The following SEMA3F variants were observed in gnomAD, a reference collection of about 807,000 sequenced individuals.
SEMA3F encodes semaphorin 3F.
SEMA3F carries 30 observed loss-of-function variants against 98.5 expected under a neutral mutation model. The ratio of observed to expected loss-of-function variants is 0.30; its 90% CI spans 0.23 to 0.41. The LOEUF is 0.41. SEMA3F is among the 10% of genes least tolerant of loss of function. SEMA3F has a pLI of 1.00. For missense variants in SEMA3F, 866 were observed against 1,119.3 expected (o/e 0.77, Z 3.23); for synonymous variants, 380 against 444.8 (o/e 0.85, Z 1.83).
rs967387130 is a variant in SEMA3F at position 50,186,387 on chromosome 3, C to T, written c.1813+39C>T. On this transcript the variant is annotated intron_variant, in intron 17 of 18. Coordinates refer to ENST00000002829, the MANE Select transcript of SEMA3F (RefSeq NM_004186.5). ...GCCTCACTGTGGGGTGCTGCTCACA[C>T]TGCAGAAGTCCACGCAGCCCACGAA... 4 of 1,585,696 alleles carry T rather than the reference C, an allele frequency of 2.5e-6. No homozygotes were observed. The African/African-American group carries it at 5.4e-5, about 21-fold the overall frequency.
rs536141438 is a variant in SEMA3F at position 50,176,753 on chromosome 3, C to A, written c.550-15C>A. On this transcript the variant is annotated splice_polypyrimidine_tract_variant and intron_variant, in intron 6 of 18. Coordinates refer to ENST00000002829, the MANE Select transcript of SEMA3F (RefSeq NM_004186.5). ...GACTGGCCTGGACGATGCTGAGCCCCGCTCTGCCTTACAGGATTACATCTT... is the reference window on the plus strand; with the variant it reads ...GACTGGCCTGGACGATGCTGAGCCCAGCTCTGCCTTACAGGATTACATCTT... The A allele has an allele frequency of 1.3e-6, 2 of 1,590,934 alleles. No homozygotes were observed. Among genetic ancestry groups the A allele is most frequent in the African/African-American group, 1.3e-5 (1 of 74,610 alleles).
chr3:50,174,345 G>T lies in SEMA3F; in HGVS notation c.451G>T (p.Ala151Ser). Residue 151 changes from alanine (A) to serine (S), a missense_variant, in exon 5 of 19, where the codon GCC (alanine) becomes TCC (serine). This residue lies in a region of SEMA3F where 247 missense variants were observed against 276.0 expected (regional missense o/e 0.89). Coordinates refer to ENST00000002829, the MANE Select transcript of SEMA3F (RefSeq NM_004186.5). ...CACCTATGTGAACCGCGGACGCCGCGCCCAGGTAAGCCCCAGCCACCCTGG... is the reference window on the plus strand; with the variant it reads ...CACCTATGTGAACCGCGGACGCCGCTCCCAGGTAAGCCCCAGCCACCCTGG... ...MCTYVNRGRR[A>S]QATPWTQTQA... 3.7e-6 allele frequency: 6 copies of T among 1,610,784 alleles called. No homozygotes were observed. The highest frequency in any genetic ancestry group is 5.1e-6 in the Non-Finnish European group (6 of 1,178,610).
chr3:50,183,013 A>C lies in SEMA3F; in HGVS notation c.1013A>C (p.Glu338Ala), dbSNP rs1471946094. Residue 338 changes from glutamate to alanine, a missense_variant, in exon 10 of 19, where the codon GAG becomes GCG. Physicochemically the swap from Glu to Ala is moderately radical, Grantham distance 107. This residue lies in a region of SEMA3F where 374 missense variants were observed against 582.8 expected (regional missense o/e 0.64). Coordinates refer to ENST00000002829, the MANE Select transcript of SEMA3F (RefSeq NM_004186.5). ...GATGGCATTGAGACTCACTTTGATG[A>C]GCTCCGTGAGTGCCCAGCAGGCAGG... ...GEDGIETHFDELQDVFVQQTQ... is the reference protein window; with the variant it reads ...GEDGIETHFDALQDVFVQQTQ... 6.2e-7 allele frequency: 1 copy of C among 1,612,814 alleles called. No individual in the cohort carries two copies. The highest frequency in any genetic ancestry group is 8.5e-7 in the Non-Finnish European group (1 of 1,179,256).
chr3:50,160,758 C>A (rs908916860), intron 2 of SEMA3F, among the ~76,000 whole-genome samples: 1 of 152,202 alleles, frequency 6.6e-6, no homozygotes, highest in Non-Finnish European at 1.5e-5. Flanking sequence ...TCGGGCTTGG[C>A]GGAGGCCCAG....
chr3:50,185,032 C>T (rs1053648493), intron 13 of SEMA3F, among the ~76,000 whole-genome samples: 1 of 152,172 alleles, frequency 6.6e-6, no homozygotes, highest in African/African-American at 2.4e-5. Context: ...CCCAGGAGAA[C>T]AGGGACACTG....
Position 50,182,054 on chromosome 3 carries a change from G to A in SEMA3F, c.644-230G>A, listed in dbSNP as rs890183028. ...GGTAGCTTGAAATTAGTTGTGGCAG[G>A]AGTATTCACACCACAGAAATGGGCT... On this transcript the variant is annotated intron_variant, in intron 7 of 18. Coordinates refer to ENST00000002829, the MANE Select transcript of SEMA3F (RefSeq NM_004186.5). This position sits in a 1 kb window ranked among gnomAD's most constrained non-coding sequence, Gnocchi z 4.5. Among the ~76,000 whole-genome samples the A allele has an allele frequency of 1.3e-4, 20 of 152,208 alleles. No individual in the cohort carries two copies. Among genetic ancestry groups the A allele is most frequent in the Non-Finnish European group, 2.1e-4 (14 of 68,046 alleles).
At position 50,186,275 on chromosome 3, in the gene SEMA3F, A is replaced by G. The variant is rs1490508317; in HGVS notation, c.1746-6A>G. 1.2e-6 allele frequency: 2 copies of G among 1,613,428 alleles called. No homozygotes were observed. The highest frequency in any genetic ancestry group is 1.7e-6 in the Non-Finnish European group (2 of 1,179,890). On this transcript the variant is annotated splice_polypyrimidine_tract_variant and splice_region_variant and intron_variant, in intron 16 of 18. Coordinates refer to ENST00000002829, the MANE Select transcript of SEMA3F (RefSeq NM_004186.5). ...GAGCACTCCTTCAGGGGCTATCCTC[A>G]TCCAGGCGGAGCCGCCGGCAGGACG...
intron 2 of SEMA3F, among the ~76,000 whole-genome samples, chr3:50,168,939 G>T (rs1043327447): frequency 1.3e-5 from 2 of 152,202 alleles, no homozygotes; most frequent in Admixed American, 1.3e-4. Flanking sequence ...TCAGCTCAGG[G>T]ATTAGGGCTG....
In SEMA3F at chr3:50,182,855, G is replaced by A. The variant is rs777777475; in HGVS notation, c.904-49G>A. 4.3e-6 allele frequency: 7 copies of A among 1,611,342 alleles called. No homozygotes were observed. The Admixed American group carries it at 8.3e-5, about 19-fold the overall frequency. ...CTTCATCAGCCCTGCTCCAGCCAGG[G>A]CTTGGGGTCAAGAGCTGATCTGACC... On this transcript the variant is annotated intron_variant, in intron 9 of 18. Transcript: ENST00000002829. This position sits in a 1 kb window ranked among gnomAD's most constrained non-coding sequence, Gnocchi z 4.5.
At chr3:50,162,353 A>T (rs2109060800) in intron 2 of SEMA3F, among the ~76,000 whole-genome samples, 1 of 152,328 alleles carries the variant, frequency 6.6e-6, no homozygotes, top group Middle Eastern at 3.4e-3. Flanking sequence ...GTTCCCTCAG[A>T]TTAGGGGGGC....
chr3:50,155,271 C>T (rs1311597697), upstream of SEMA3F: 1 of 325,756 alleles, frequency 3.1e-6, no homozygotes, highest in Non-Finnish European at 5.5e-6. This position sits in a 1 kb window ranked among gnomAD's most constrained non-coding sequence, Gnocchi z 4.9. Flanking sequence ...GGAATGCGCC[C>T]TCGGCGCGCC....
At chr3:50,184,332 T>G (rs1575407749) in intron 12 of SEMA3F, 2 of 529,138 alleles carry the variant, frequency 3.8e-6, no homozygotes, top group African/African-American at 1.9e-5. Context: ...TGGAAGGGAG[T>G]GGTCCGCTTG....
Position 50,156,314 on chromosome 3 carries a change from G to C in SEMA3F, c.-49+750G>C, listed in dbSNP as rs1486945215. Among the ~76,000 whole-genome samples, 1 of 152,250 alleles carries C rather than the reference G, an allele frequency of 6.6e-6. No homozygotes were observed. Among genetic ancestry groups the C allele is most frequent in the Non-Finnish European group, 1.5e-5 (1 of 68,038 alleles). On this transcript the variant is annotated intron_variant, in intron 1 of 18. Transcript: ENST00000002829. The surrounding 1 kb of genome is among the most constrained non-coding windows in gnomAD (Gnocchi z 4.5). The stretch of plus-strand genomic sequence containing the variant: ...GCAGATGGGACAGGAGGGTATCAAA[G>C]TTGGCCTAGGAATGAGGCAGTGCTG...
chr3:50,187,717 G>A lies in SEMA3F; in HGVS notation c.1960G>A (p.Asp654Asn), dbSNP rs1358520845. 1 of 1,593,996 alleles carries A rather than the reference G, an allele frequency of 6.3e-7. No homozygotes were observed. The highest frequency in any genetic ancestry group is 8.6e-7 in the Non-Finnish European group (1 of 1,166,010). ...GDRRREIRAE[D>N]RFLRTEQGLL... is the part of the protein sequence containing the mutation. ...CTTGCCCCTGCAGATTCGTGCAGAG[G>A]ACCGCTTCCTGCGCACAGAGCAGGG... is the stretch of plus-strand genomic sequence containing the variant. The change falls in exon 19 of 19, where the codon GAC becomes AAC. Residue 654 changes from aspartate to asparagine, a missense_variant. By Grantham distance (23) the Asp-to-Asn change is conservative (BLOSUM62 1). Coordinates refer to ENST00000002829, the MANE Select transcript of SEMA3F (RefSeq NM_004186.5).
chr3:50,163,726 G>A (rs1001976972), intron 2 of SEMA3F, among the ~76,000 whole-genome samples: 6 of 152,186 alleles, frequency 3.9e-5, no homozygotes, highest in African/African-American at 1.2e-4. Context: ...TTTGGTGGGG[G>A]AGGAGGGGGA....
intron 2 of SEMA3F, chr3:50,173,233 G>A (rs1698678379): frequency 6.4e-6 from 1 of 155,626 alleles, no homozygotes; most frequent in East Asian, 1.9e-4. Context: ...CAGCACTTTG[G>A]GAGGCTGAGA....
chr3:50,166,804 A>G lies in SEMA3F; in HGVS notation c.113-6989A>G, dbSNP rs1431545180. On this transcript the variant is annotated intron_variant, in intron 2 of 18. Coordinates refer to ENST00000002829, the MANE Select transcript of SEMA3F (RefSeq NM_004186.5). This position sits in a 1 kb window ranked among gnomAD's most constrained non-coding sequence, Gnocchi z 4.7. Reference sequence around the variant, plus strand: ...TCTGTCTGGGTGATTTATCAGAGTAAATGAGCCATGGAGAGTTTGTTGTCT... The same window carrying G: ...TCTGTCTGGGTGATTTATCAGAGTAGATGAGCCATGGAGAGTTTGTTGTCT... Among the ~76,000 whole-genome samples the G allele has an allele frequency of 6.6e-6, 1 of 151,988 alleles. No individual in the cohort carries two copies. The highest frequency in any genetic ancestry group is 1.9e-4 in the East Asian group (1 of 5,178).
intron 7 of SEMA3F, among the ~76,000 whole-genome samples, chr3:50,181,247 A>C (rs1378787539): frequency 2.0e-5 from 3 of 151,906 alleles, no homozygotes; most frequent in Non-Finnish European, 4.4e-5. Context: ...AGGTGTGCAT[A>C]TGCTTCCTAA....
upstream of SEMA3F, chr3:50,155,059 A>G: frequency 2.8e-6 from 1 of 359,000 alleles, no homozygotes; most frequent in South Asian, 4.4e-5. The surrounding 1 kb of genome is among the most constrained non-coding windows in gnomAD (Gnocchi z 4.9). Context: ...CGCGGCTCTG[A>G]GCGCCCCGTC....
Sources: allele counts gnomAD v4.1 joint callset (sites outside exome capture counted in the v4.1 genomes callset), GRCh38; gene constraint gnomAD v4.1.1; regional missense constraint gnomAD v4.1.1; non-coding constraint Gnocchi (gnomAD v3.1); transcripts MANE v1.5; gene names NCBI Gene and HGNC (gene_info 2026-07-23, HGNC 2026-07-21).